Variants in PRKCQ observed in about 807,000 individuals in gnomAD.
PRKCQ encodes protein kinase C theta.
PRKCQ carries 41 observed loss-of-function variants against 91.2 expected under a neutral mutation model. The observed-to-expected ratio is 0.45, with a 90% CI of 0.35 to 0.58. PRKCQ has a LOEUF of 0.58. Ranked by LOEUF, PRKCQ falls within the 20% of genes least tolerant of loss-of-function variation. The pLI, the probability that PRKCQ is intolerant of heterozygous loss-of-function variation, is 0.00. For synonymous variants in PRKCQ, 307 were observed against 316.9 expected (o/e 0.97, Z 0.33); for missense variants, 673 against 896.5 (o/e 0.75, Z 3.18).
chr10:6,442,125 T>C (rs1564297793), intron 15 of PRKCQ, 44 bp from the exon 16 acceptor site: 2 of 1,576,544 alleles, frequency 1.3e-6, no homozygotes, highest in Non-Finnish European at 1.7e-6. Flanking sequence ...GGAATGAGGC[T>C]GAGGAGTGAC....
At position 6,427,590 on chromosome 10, in the gene PRKCQ, C is replaced by G. The variant is rs1833178885; in HGVS notation, c.*617G>C. The G allele has an allele frequency of 6.6e-6, 1 of 152,492 alleles. No homozygotes were observed. The highest frequency in any genetic ancestry group is 2.4e-5 in the African/African-American group (1 of 41,440). The allele number at this position is 152,492 out of a possible 1,614,324, so 9.4% of individuals were successfully genotyped here. A position where few individuals can be genotyped will look rare whatever the true frequency, so the allele number is the denominator to read the frequency against. On this transcript the variant is annotated 3_prime_UTR_variant, in exon 18 of 18. Coordinates refer to ENST00000263125, the MANE Select transcript of PRKCQ (RefSeq NM_006257.5). ...TTCCCTCTCACTTTCCACTTGTCCT[C>G]TTGACCATGGATTTCATGCCCAATC...
chr10:6,573,388 C>T (rs1841112320), intron 1 of PRKCQ, among the ~76,000 whole-genome samples: 1 of 152,184 alleles, frequency 6.6e-6, no homozygotes. Flanking sequence ...CACCTCTGAA[C>T]CCCTGTCCTT....
chr10:6,433,697 A>G (rs1473398701), intron 16 of PRKCQ, among the ~76,000 whole-genome samples: 2 of 152,086 alleles, frequency 1.3e-5, no homozygotes. Flanking sequence ...ACAAACCATA[A>G]AACAGCAGGA....
chr10:6,498,112 C>T (rs1837714490), intron 5 of PRKCQ, among the ~76,000 whole-genome samples: 1 of 152,202 alleles, frequency 6.6e-6, no homozygotes, highest in East Asian at 1.9e-4. Flanking sequence ...AATAAAGATA[C>T]CTTTCACTTC....
At chr10:6,477,832 C>T (rs1836354550) in intron 12 of PRKCQ, among the ~76,000 whole-genome samples, 2 of 152,210 alleles carry the variant, frequency 1.3e-5, no homozygotes, top group African/African-American at 2.4e-5. Flanking sequence ...CACACCATTG[C>T]ACTCCAGCCT....
At chr10:6,419,019 C>A in the PRKCQ span, among the ~76,000 whole-genome samples, 1 of 144,552 alleles carries the variant, frequency 6.9e-6, no homozygotes, top group African/African-American at 2.5e-5. Context: ...ATCTATGTAT[C>A]TATCATCTAT....
intron 1 of PRKCQ, among the ~76,000 whole-genome samples, chr10:6,557,184 C>T (rs1460800670): frequency 6.6e-6 from 1 of 152,138 alleles, no homozygotes; most frequent in African/African-American, 2.4e-5. Context: ...ACCATCTTTG[C>T]TTCCTCCCCT....
the PRKCQ span, among the ~76,000 whole-genome samples, chr10:6,410,158 T>C: frequency 6.6e-6 from 1 of 152,234 alleles, no homozygotes; most frequent in African/African-American, 2.4e-5. Context: ...CTAGGCTTCC[T>C]TGGATGAGCT....
chr10:6,434,827 G>T (rs544907021), intron 16 of PRKCQ, among the ~76,000 whole-genome samples: 25 of 152,306 alleles, frequency 1.6e-4, no homozygotes, highest in Admixed American at 1.5e-3. Flanking sequence ...GAAAGGAAGA[G>T]ATATTTATGT....
At chr10:6,484,463 T>C (rs1163793565) in intron 10 of PRKCQ, among the ~76,000 whole-genome samples, 2 of 152,266 alleles carry the variant, frequency 1.3e-5, no homozygotes, top group African/African-American at 2.4e-5. Context: ...TGCTAAGACA[T>C]AGTCTCCTTG....
chr10:6,438,244 C>G (rs146390505), intron 16 of PRKCQ, among the ~76,000 whole-genome samples: 2 of 152,232 alleles, frequency 1.3e-5, no homozygotes, highest in Non-Finnish European at 2.9e-5. Context: ...CCTGGAGTTG[C>G]CTCCAAGTTT....
At chr10:6,578,015 C>G (rs1841309003) in intron 1 of PRKCQ, among the ~76,000 whole-genome samples, 1 of 152,186 alleles carries the variant, frequency 6.6e-6, no homozygotes, top group Non-Finnish European at 1.5e-5. Flanking sequence ...ACGGAAGAGA[C>G]AGCATGTGTT....
chr10:6,565,950 TTTA>T (rs1840821455), intron 1 of PRKCQ, among the ~76,000 whole-genome samples: 1 of 152,240 alleles, frequency 6.6e-6, no homozygotes, highest in Non-Finnish European at 1.5e-5. Context: ...TGTATGCTAA[TTTA>T]TTTTTATTGA....
intron 1 of PRKCQ, among the ~76,000 whole-genome samples, chr10:6,577,880 T>G (rs1220925624): frequency 6.6e-6 from 1 of 152,050 alleles, no homozygotes; most frequent in African/African-American, 2.4e-5. Context: ...GGTCTACTTC[T>G]GAATCCCCGA....
At position 6,433,426 on chromosome 10, in the gene PRKCQ, C is replaced by T. The variant is rs529759069; in HGVS notation, c.1837-2488G>A. 2.6e-5 allele frequency among the ~76,000 whole-genome samples: 4 copies of T among 152,250 alleles called. No homozygotes were observed. In the South Asian group the frequency reaches 8.3e-4, roughly 32 times the overall value. The stretch of plus-strand genomic sequence containing the variant: ...TTCCTTACAGAAGCTAGCATAGTGC[C>T]GTGCACAACATAGATGCTCAGTAGA... On this transcript the variant is annotated intron_variant, in intron 16 of 17. Coordinates refer to ENST00000263125, the MANE Select transcript of PRKCQ (RefSeq NM_006257.5).
chr10:6,510,991 T>A lies in PRKCQ; in HGVS notation c.318+4A>T. 6.2e-7 allele frequency: 1 copy of A among 1,614,074 alleles called. No homozygotes were observed. Among genetic ancestry groups the A allele is most frequent in the South Asian group, 1.1e-5 (1 of 91,090 alleles). On this transcript the variant is annotated splice_donor_region_variant and intron_variant, in intron 3 of 17. Transcript: ENST00000263125. ...TTATGTGCATACACTTTATGCAACGTTACCCATATTTCTGTCTTCCCGTTG... is the reference window on the plus strand; with the variant it reads ...TTATGTGCATACACTTTATGCAACGATACCCATATTTCTGTCTTCCCGTTG...
intron 1 of PRKCQ, among the ~76,000 whole-genome samples, chr10:6,532,730 G>C (rs1839436774): frequency 6.6e-6 from 1 of 152,220 alleles, no homozygotes; most frequent in Non-Finnish European, 1.5e-5. Context: ...GTCCATTATA[G>C]ATTAGTGGCA....
At chr10:6,504,042 G>T (rs541952512) in intron 4 of PRKCQ, among the ~76,000 whole-genome samples, 2 of 152,246 alleles carry the variant, frequency 1.3e-5, no homozygotes, top group Non-Finnish European at 2.9e-5. Context: ...CCCCCAAAGT[G>T]CTGGGATTAT....
At chr10:6,410,705 G>A in the PRKCQ span, among the ~76,000 whole-genome samples, 2 of 152,274 alleles carry the variant, frequency 1.3e-5, no homozygotes, top group East Asian at 3.9e-4. Flanking sequence ...TTGTCTGGCA[G>A]GGTGCAGTGG....
Sources: gnomAD v4.1 joint callset for allele counts (sites outside exome capture counted in the v4.1 genomes callset) on GRCh38, gnomAD v4.1.1 for gene constraint, MANE v1.5 for transcripts, NCBI Gene and HGNC (gene_info 2026-07-23, HGNC 2026-07-21) for gene names.